The following ATG7 variants were observed in gnomAD, a reference collection of about 807,000 sequenced individuals.
ATG7 encodes the protein ubiquitin-like modifier-activating enzyme ATG7.
Under a neutral mutation model 82.4 loss-of-function variants are expected in ATG7, and 70 were observed. The observed-to-expected ratio is 0.85, with a 90% CI of 0.70 to 1.04. The LOEUF is 1.04. ATG7 is among the 50% of genes least tolerant of loss of function. ATG7 has a pLI of 0.00. For missense variants in ATG7, 792 were observed against 864.3 expected (o/e 0.92, Z 1.05); for synonymous variants, 287 against 313.0 (o/e 0.92, Z 0.88).
chr3:11,381,997 A>AATAC (rs1274145658), intron 19 of ATG7, among the ~76,000 whole-genome samples: 3 of 152,226 alleles, frequency 2.0e-5, no homozygotes, highest in Admixed American at 1.3e-4. Context: ...TATTTAGTAT[A>AATAC]ATACATGTTA....
At position 11,313,379 on chromosome 3, in the gene ATG7, CA is replaced by C. The variant is rs1387046358; in HGVS notation, c.488del (p.Gln163ArgfsTer12). The C allele has an allele frequency of 1.2e-6, 2 of 1,612,658 alleles. No homozygotes were observed. The highest frequency in any genetic ancestry group is 1.7e-6 in the Non-Finnish European group (2 of 1,179,272). On this transcript the variant is annotated frameshift_variant, in exon 8 of 21. Coordinates refer to ENST00000693202, the MANE Select transcript of ATG7 (RefSeq NM_001349232.2). LOFTEE classifies it high-confidence loss of function. ...LCLPESLPLI[Q>X]GPVGLDQRFS... Reference sequence around the variant, plus strand: ...TCTTCCAGAGAGTTTACCTCTCATTCAGGGGCCAGTGGGTTTGGATCAAAGG... The same window carrying C: ...TCTTCCAGAGAGTTTACCTCTCATTCGGGGCCAGTGGGTTTGGATCAAAGG...
intron 20 of ATG7, among the ~76,000 whole-genome samples, chr3:11,545,364 G>C (rs906415849): frequency 6.6e-6 from 1 of 152,208 alleles, no homozygotes; most frequent in Non-Finnish European, 1.5e-5. Flanking sequence ...GAAGAACCAC[G>C]GTGACGGATA....
chr3:11,437,054 G>A (rs1475041732), intron 20 of ATG7, among the ~76,000 whole-genome samples: 2 of 152,150 alleles, frequency 1.3e-5, no homozygotes, highest in African/African-American at 4.8e-5. Context: ...TGAATCATAT[G>A]GTGTGTGAAT....
At chr3:11,382,710 G>T (rs190244344) in intron 19 of ATG7, among the ~76,000 whole-genome samples, 1 of 152,286 alleles carries the variant, frequency 6.6e-6, no homozygotes, top group Non-Finnish European at 1.5e-5. Context: ...ATTCCTGAAA[G>T]AATTTCCTGT....
intron 19 of ATG7, among the ~76,000 whole-genome samples, chr3:11,392,475 AAAAAC>A (rs557412012): frequency 8.7e-5 from 8 of 92,368 alleles, no homozygotes; most frequent in East Asian, 4.5e-4. Flanking sequence ...AACAAACAAA[AAAAAC>A]AAAACAAAAC....
intron 1 of ATG7, among the ~76,000 whole-genome samples, chr3:11,278,697 A>G (rs1055777385): frequency 6.6e-6 from 1 of 152,164 alleles, no homozygotes; most frequent in African/African-American, 2.4e-5. Context: ...TTGGGCACCT[A>G]TGAGGTGCTA....
intron 18 of ATG7, among the ~76,000 whole-genome samples, chr3:11,366,413 G>T (rs1178280328): frequency 6.6e-6 from 1 of 151,710 alleles, no homozygotes; most frequent in Non-Finnish European, 1.5e-5. Flanking sequence ...TTTTTGACAT[G>T]CATGTGTTAA....
chr3:11,549,556 CAT>C (rs1389927759), intron 20 of ATG7, among the ~76,000 whole-genome samples: 7 of 152,336 alleles, frequency 4.6e-5, no homozygotes, highest in Non-Finnish European at 7.3e-5. Flanking sequence ...CACTGAGATT[CAT>C]ATGTGTTGTC....
chr3:11,438,585 T>C (rs544289336), intron 20 of ATG7, among the ~76,000 whole-genome samples: 6 of 53,338 alleles, frequency 1.1e-4, no homozygotes, highest in South Asian at 1.3e-3. Flanking sequence ...AAAACAAAAA[T>C]AAAGATTTTT....
At chr3:11,538,711 C>CAAA (rs1393041007) in intron 20 of ATG7, among the ~76,000 whole-genome samples, 2 of 108,980 alleles carry the variant, frequency 1.8e-5, no homozygotes, top group African/African-American at 8.0e-5. Flanking sequence ...AAAAAATTAG[C>CAAA]CAAAAAAAAA....
intron 20 of ATG7, among the ~76,000 whole-genome samples, chr3:11,433,014 G>C (rs529120333): frequency 6.6e-6 from 1 of 152,206 alleles, no homozygotes; most frequent in South Asian, 2.1e-4. Context: ...CATTTGGGAT[G>C]GGTACAGTGG....
intron 9 of ATG7, among the ~76,000 whole-genome samples, chr3:11,324,647 AT>A (rs200854890): frequency 2.0e-5 from 3 of 151,458 alleles, no homozygotes; most frequent in Admixed American, 6.6e-5. Context: ...TCAAAAAAAG[AT>A]TTTTTTTTCA....
At chr3:11,303,392 A>G (rs1225270182) in intron 5 of ATG7, among the ~76,000 whole-genome samples, 2 of 152,110 alleles carry the variant, frequency 1.3e-5, no homozygotes, top group African/African-American at 4.8e-5. Context: ...ATTTTCCGCC[A>G]GGCGCGGTGG....
chr3:11,453,137 G>A (rs1197170356), intron 20 of ATG7, among the ~76,000 whole-genome samples: 1 of 152,222 alleles, frequency 6.6e-6, no homozygotes, highest in African/African-American at 2.4e-5. Context: ...ACAGTAAAAA[G>A]AGGGAATGTC....
At chr3:11,491,801 G>A (rs2090383485) in intron 20 of ATG7, among the ~76,000 whole-genome samples, 3 of 152,196 alleles carry the variant, frequency 2.0e-5, no homozygotes, top group Admixed American at 6.5e-5. Context: ...TTTGTGAACC[G>A]TGAATGCTGC....
At chr3:11,545,026 G>A (rs1251651733) in intron 20 of ATG7, among the ~76,000 whole-genome samples, 1 of 152,202 alleles carries the variant, frequency 6.6e-6, no homozygotes, top group African/African-American at 2.4e-5. Context: ...AGACCCAGCG[G>A]AGCCAGCTGT....
intron 20 of ATG7, among the ~76,000 whole-genome samples, chr3:11,507,477 A>G (rs1368171264): frequency 6.6e-6 from 1 of 152,214 alleles, no homozygotes; most frequent in African/African-American, 2.4e-5. Context: ...ATTCCAAAGT[A>G]GTGATGAGTA....
intron 13 of ATG7, 41 bp from the exon 14 acceptor site, chr3:11,347,836 T>A (rs753806789): frequency 6.3e-7 from 1 of 1,585,010 alleles, no homozygotes; most frequent in South Asian, 1.1e-5. Context: ...CCCTGTGAAA[T>A]GTTCATCAGA....
chr3:11,357,030 T>C (rs1199789189), intron 14 of ATG7, among the ~76,000 whole-genome samples: 3 of 152,158 alleles, frequency 2.0e-5, no homozygotes, highest in African/African-American at 7.2e-5. Context: ...AAGTTGAAGA[T>C]AATAAAAAAA....
Sources: allele counts gnomAD v4.1 joint callset (sites outside exome capture counted in the v4.1 genomes callset), GRCh38; gene constraint gnomAD v4.1.1; transcripts MANE v1.5; gene names NCBI Gene and HGNC (gene_info 2026-07-23, HGNC 2026-07-21).